Variants in C5 observed in about 807,000 individuals in gnomAD.
The protein encoded by C5 is complement C5, also known as C3 and PZP-like alpha-2-macroglobulin domain-containing protein 4.
Under a neutral mutation model 218.8 loss-of-function variants are expected in C5, and 140 were observed. The observed-to-expected ratio is 0.64, with a 90% CI of 0.56 to 0.74. The LOEUF is 0.74. Ranked by LOEUF, C5 falls within the 30% of genes least tolerant of loss-of-function variation. The pLI is 0.00. For synonymous variants in C5, 614 were observed against 682.3 expected (o/e 0.90, Z 1.56); for missense variants, 1,700 against 1,969.6 (o/e 0.86, Z 2.59).
chr9:121,016,246 C>G lies in C5; in HGVS notation c.1996+8G>C, dbSNP rs1473168281. ...GATTTTCAGTAATAAACATGCTGAG[C>G]ATTTTACCATTTTCTTGGGAGTCAT... On this transcript the variant is annotated splice_region_variant and intron_variant, in intron 15 of 40. Transcript: ENST00000223642. 6 of 1,613,768 alleles carry G rather than the reference C, an allele frequency of 3.7e-6. No individual in the cohort carries two copies. In the African/African-American group the frequency reaches 4.0e-5, roughly 11 times the overall value.
rs1165722691 is a variant in C5, at chr9:120,974,787, G to C, written c.4009C>G (p.Pro1337Ala). 2 of 1,613,350 alleles carry C rather than the reference G, an allele frequency of 1.2e-6. No individual in the cohort carries two copies. The highest frequency in any genetic ancestry group is 4.5e-5 in the East Asian group (2 of 44,876). Reference sequence around the variant, plus strand: ...GAAAGTTCTTCATTTACCTCTACTGGCCTCCCAAGGAAATTCTTGTCTGTC... The same window carrying C: ...GAAAGTTCTTCATTTACCTCTACTGCCCTCCCAAGGAAATTCTTGTCTGTC... ...KMTDKNFLGR[P>A]VEVLLNDDLI... Residue 1337 changes from proline (P) to alanine (A), a missense_variant, in exon 30 of 41, where the codon CCA (proline) becomes GCA (alanine). Transcript: ENST00000223642.
upstream of C5, among the ~76,000 whole-genome samples, chr9:121,053,949 T>G (rs2047685587): frequency 6.6e-6 from 1 of 152,138 alleles, no homozygotes; most frequent in Non-Finnish European, 1.5e-5. Flanking sequence ...CCTGAGTCTA[T>G]TTGAGTGGCA....
At chr9:120,966,921 T>C (rs1247540395) in intron 33 of C5, among the ~76,000 whole-genome samples, 1 of 152,058 alleles carries the variant, frequency 6.6e-6, no homozygotes, top group Admixed American at 6.6e-5. Context: ...GGAGAAACTA[T>C]GTGCTGTTCC....
intron 25 of C5, among the ~76,000 whole-genome samples, chr9:120,984,509 G>C (rs1166852941): frequency 1.3e-5 from 2 of 152,098 alleles, no homozygotes; most frequent in African/African-American, 4.8e-5. Context: ...AGGCATATGA[G>C]TGCAGTTATA....
At chr9:121,052,380 C>A (rs1313601288), upstream of C5, among the ~76,000 whole-genome samples, 3 of 149,366 alleles carry the variant, frequency 2.0e-5, no homozygotes, top group Non-Finnish European at 4.4e-5. Flanking sequence ...TCACTTGAAC[C>A]TGGGAGGTGG....
chr9:121,021,661 C>T lies in C5; in HGVS notation c.1150G>A (p.Gly384Arg). The change falls in exon 11 of 41, where the codon GGA becomes AGA. Residue 384 changes from glycine to arginine, a missense_variant. Transcript: ENST00000223642. ...GCATTCAGTGTTACTGGGACTCCTC[C>T]TACCAACTGGTCAAGCGAATCTTTA... ...QVKDSLDQLV[G>R]GVPVTLNAQT... 6.2e-7 allele frequency: 1 copy of T among 1,614,014 alleles called. No individual in the cohort carries two copies. The highest frequency in any genetic ancestry group is 1.1e-5 in the South Asian group (1 of 91,076).
chr9:120,975,549 T>C (rs1029760203), intron 29 of C5, among the ~76,000 whole-genome samples: 4 of 152,154 alleles, frequency 2.6e-5, no homozygotes, highest in African/African-American at 9.7e-5. Context: ...GTTTGGGTCA[T>C]GGGGCGTACC....
chr9:120,956,019 G>A (rs1349005757), intron 39 of C5, among the ~76,000 whole-genome samples: 1 of 152,030 alleles, frequency 6.6e-6, no homozygotes, highest in Non-Finnish European at 1.5e-5. Flanking sequence ...AATGAGGCCA[G>A]GCACGGTGGC....
intron 27 of C5, among the ~76,000 whole-genome samples, chr9:120,981,615 C>T (rs1387399993): frequency 6.6e-6 from 1 of 152,202 alleles, no homozygotes; most frequent in Non-Finnish European, 1.5e-5. Flanking sequence ...CTGAATTCAC[C>T]TTACTTAGTC....
chr9:121,025,935 T>G (rs541367649), intron 8 of C5: 1 of 204,384 alleles, frequency 4.9e-6, no homozygotes, highest in East Asian at 1.2e-4. Flanking sequence ...TAATATTTAA[T>G]TTGTACTTCA....
intron 40 of C5, 67 bp downstream of exon 40, chr9:120,953,663 T>C (rs761806894): frequency 1.2e-5 from 18 of 1,466,968 alleles, no homozygotes; most frequent in Non-Finnish European, 1.7e-5. Flanking sequence ...ACACGTAGTG[T>C]ATTTAAGAAT....
chr9:120,960,504 T>C (rs2046819210), intron 37 of C5, among the ~76,000 whole-genome samples, 167 bp from the exon 38 acceptor site: 1 of 151,334 alleles, frequency 6.6e-6, no homozygotes, highest in Non-Finnish European at 1.5e-5. Flanking sequence ...AGTGAAATAT[T>C]ACATAAAGAA....
chr9:120,960,337 G>C lies in C5; in HGVS notation c.4589C>G (p.Ala1530Gly), dbSNP rs1433628456. The change falls in exon 38 of 41, where the codon GCT (alanine) becomes GGT (glycine). Residue 1530 changes from alanine (A) to glycine (G), a missense_variant and splice_region_variant. Ala to Gly is a moderately conservative substitution (Grantham distance 60). Transcript: ENST00000223642. ...TTCTTCCTGCATTTGCCCACAATCA[G>C]CTGGATTTTGTGAAAATTGGTAAAA... is the stretch of plus-strand genomic sequence containing the variant. ...CEGAACKCVE[A>G]DCGQMQEELD... The C allele has an allele frequency of 6.2e-7, 1 of 1,609,296 alleles. No individual in the cohort carries two copies. Among genetic ancestry groups the C allele is most frequent in the Non-Finnish European group, 8.5e-7 (1 of 1,176,410 alleles).
intron 5 of C5, among the ~76,000 whole-genome samples, chr9:121,032,787 C>A (rs1331427107): frequency 1.3e-5 from 2 of 152,084 alleles, no homozygotes; most frequent in East Asian, 3.9e-4. Context: ...ATCGCTTGAG[C>A]CCAGGAGTTC....
chr9:121,052,759 C>T (rs1382260498), upstream of C5, among the ~76,000 whole-genome samples: 2 of 152,144 alleles, frequency 1.3e-5, no homozygotes, highest in African/African-American at 4.8e-5. Flanking sequence ...CTGAAGTCAC[C>T]TTGACACCAA....
upstream of C5, among the ~76,000 whole-genome samples, chr9:121,054,561 T>C (rs372193522): frequency 4.6e-5 from 7 of 152,264 alleles, no homozygotes; most frequent in East Asian, 1.4e-3. Context: ...GATCGTGCCA[T>C]TGCACTCCAG....
chr9:121,004,317 T>A (rs750758125), intron 20 of C5, among the ~76,000 whole-genome samples: 2 of 152,024 alleles, frequency 1.3e-5, no homozygotes, highest in Non-Finnish European at 1.5e-5. Context: ...ATCATGAAAT[T>A]TTAAGATATT....
At chr9:120,964,541 C>G (rs1268826361) in intron 33 of C5, among the ~76,000 whole-genome samples, 1 of 152,192 alleles carries the variant, frequency 6.6e-6, no homozygotes, top group Non-Finnish European at 1.5e-5. Context: ...AAGCAATTAT[C>G]TCTTTTCTTT....
chr9:120,993,477 C>T (rs1029006526), intron 22 of C5, among the ~76,000 whole-genome samples: 2 of 152,180 alleles, frequency 1.3e-5, no homozygotes, highest in African/African-American at 4.8e-5. Context: ...GGCTGGAGTG[C>T]AGTGGCGTGA....
Sources: allele counts gnomAD v4.1 joint callset (sites outside exome capture counted in the v4.1 genomes callset), GRCh38; gene constraint gnomAD v4.1.1; transcripts MANE v1.5; gene names NCBI Gene and HGNC (gene_info 2026-07-23, HGNC 2026-07-21).